DENND2B: variants seen among roughly 807,000 people sequenced by gnomAD.
The protein encoded by DENND2B is DENN domain containing 2B, also known as DENN domain-containing protein 2B.
In DENND2B, 32 loss-of-function variants were observed where a neutral mutation model predicts 116.0. The observed-to-expected ratio is 0.28, with a 90% CI of 0.21 to 0.37. The LOEUF is 0.37. Ranked by LOEUF, DENND2B falls within the 10% of genes least tolerant of loss-of-function variation. The probability of loss-of-function intolerance (pLI) is 1.00; values close to 1 mark genes in which losing one functional copy is unlikely to be tolerated. For synonymous variants in DENND2B, 588 were observed against 583.9 expected, an observed-to-expected ratio of 1.01 and a Z score of -0.10; for missense variants, 1,276 against 1,477.7, an observed-to-expected ratio of 0.86 and a Z score of 2.24.
At chr11:8,810,962 C>T (rs1175401205), upstream of DENND2B, 4 of 236,246 alleles carry the variant, frequency 1.7e-5, no homozygotes, top group Middle Eastern at 1.3e-3. Flanking sequence ...TGGGAACTTG[C>T]TTGAACAGCT....
intron 2 of DENND2B, among the ~76,000 whole-genome samples, chr11:8,738,053 A>G (rs2049417096): frequency 6.6e-6 from 1 of 151,984 alleles, no homozygotes; most frequent in Admixed American, 6.6e-5. Flanking sequence ...CAACCTTGTG[A>G]CTGTAATTGG....
chr11:8,811,058 C>T (rs186265933), upstream of DENND2B: 502 of 380,580 alleles, frequency 1.3e-3, 7 homozygotes, highest in African/African-American at 9.5e-3. Context: ...AGAATCCCTG[C>T]CAGGGGGGAG....
At chr11:8,887,943 G>A (rs1340169339) in intron 1 of DENND2B, among the ~76,000 whole-genome samples, 1 of 152,106 alleles carries the variant, frequency 6.6e-6, no homozygotes, top group African/African-American at 2.4e-5. Context: ...GTTACTACTG[G>A]GGATGGGGAG....
rs1266836216 is a variant in DENND2B at position 8,717,763 on chromosome 11, T to C, written c.1607A>G (p.Lys536Arg). 5.1e-6 allele frequency: 8 copies of C among 1,583,352 alleles called. No homozygotes were observed. The highest frequency in any genetic ancestry group is 1.1e-5 in the South Asian group (1 of 89,012). The change falls in exon 5 of 20, where the codon AAG becomes AGG. Residue 536 changes from lysine (K) to arginine (R), a missense_variant. This residue lies in a region of DENND2B where 856 missense variants were observed against 846.6 expected (regional missense o/e 1.01). Transcript: ENST00000313726. ...LHRMWSPQDR[K>R]YNSPPTQLSL... is the part of the protein sequence containing the mutation. ...TACCTGTGTGGGCGGGCTGTTGTAC[T>C]TCCTGTCCTGAGGACTCCACATCCT...
In DENND2B at chr11:8,719,219, T is replaced by C. The variant is rs183496406; in HGVS notation, c.1478-1327A>G. On this transcript the variant is annotated intron_variant, in intron 4 of 19. Transcript: ENST00000313726. ...AGAGAGGACACGGGAGAAGAGCCAA[T>C]CCCTATATGCTTGCAGATTCCTCCA... is the stretch of plus-strand genomic sequence containing the variant. 34 of 985,372 alleles carry C rather than the reference T, an allele frequency of 3.5e-5. 1 individual carries two copies. In the South Asian group the frequency reaches 7.1e-4, roughly 20 times the overall value. 61.0% of individuals were successfully genotyped at this position (985,372 alleles called of 1,614,324 possible).
At chr11:8,813,214 G>A (rs1263254596), upstream of DENND2B, among the ~76,000 whole-genome samples, 1 of 152,168 alleles carries the variant, frequency 6.6e-6, no homozygotes, top group African/African-American at 2.4e-5. Context: ...TATACCAGAA[G>A]TTAAGGTAGG....
chr11:8,789,290 A>G (rs909689087), intron 1 of DENND2B, among the ~76,000 whole-genome samples: 1 of 152,254 alleles, frequency 6.6e-6, no homozygotes, highest in Non-Finnish European at 1.5e-5. Context: ...TGGACACAGC[A>G]GTAGTCATCT....
At chr11:8,829,590 G>A (rs2062123807) in intron 4 of DENND2B, among the ~76,000 whole-genome samples, 1 of 152,136 alleles carries the variant, frequency 6.6e-6, no homozygotes, top group Non-Finnish European at 1.5e-5. Flanking sequence ...TGGTCTGAAT[G>A]CTTCTGAGTA....
At chr11:8,716,191 C>T (rs777665119) in intron 5 of DENND2B, among the ~76,000 whole-genome samples, 1 of 152,290 alleles carries the variant, frequency 6.6e-6, no homozygotes, top group East Asian at 1.9e-4. Context: ...CCTCTGCTCC[C>T]GAGCCAATCC....
Position 8,715,898 on chromosome 11 carries a change from A to G in DENND2B, c.1630-80T>C, listed in dbSNP as rs527683406. On this transcript the variant is annotated intron_variant, in intron 5 of 19. Coordinates refer to ENST00000313726, the MANE Select transcript of DENND2B (RefSeq NM_213618.2). ...TGTCTGTCTGCTGGGATGGGGACACAGAGGCCAAGGGCCGGCATCCCTGGA... is the reference window on the plus strand; with the variant it reads ...TGTCTGTCTGCTGGGATGGGGACACGGAGGCCAAGGGCCGGCATCCCTGGA... The G allele has an allele frequency of 2.3e-4, 318 of 1,369,642 alleles. 1 individual carries two copies. The African/African-American group carries it at 4.0e-3, about 17-fold the overall frequency. 84.8% of individuals were successfully genotyped at this position (1,369,642 alleles called of 1,614,324 possible). A position where few individuals can be genotyped will look rare whatever the true frequency, so the allele number is the denominator to read the frequency against.
intron 4 of DENND2B, among the ~76,000 whole-genome samples, chr11:8,837,522 AT>A (rs2062475728): frequency 6.6e-6 from 1 of 151,910 alleles, no homozygotes; most frequent in Non-Finnish European, 1.5e-5. Context: ...TAATTTTTGT[AT>A]TTTTAGTAGA....
chr11:8,771,365 C>T (rs554957218), intron 1 of DENND2B, among the ~76,000 whole-genome samples: 1 of 152,128 alleles, frequency 6.6e-6, no homozygotes, highest in East Asian at 1.9e-4. Flanking sequence ...TATACAATCT[C>T]ACACTACCAG....
intron 1 of DENND2B, among the ~76,000 whole-genome samples, chr11:8,804,615 GCT>G (rs2060671554): frequency 1.4e-5 from 2 of 141,686 alleles, no homozygotes; most frequent in African/African-American, 5.3e-5. Context: ...TGCGATCTCA[GCT>G]CACTGCAACC....
At chr11:8,708,405 G>A in intron 11 of DENND2B, 1 of 885,062 alleles carries the variant, frequency 1.1e-6, no homozygotes, top group Non-Finnish European at 1.4e-6. Flanking sequence ...CTGACTCCTG[G>A]GCTTGGGACT....
chr11:8,804,369 TGGG>T (rs34970475), intron 1 of DENND2B, among the ~76,000 whole-genome samples: 50,329 of 151,638 alleles, frequency 0.33, 8,737 homozygotes, highest in Middle Eastern at 0.51. Context: ...CCATAAGACA[TGGG>T]GAGCTGTCTG....
At chr11:8,739,187 C>G (rs1472963912) in intron 2 of DENND2B, among the ~76,000 whole-genome samples, 1 of 152,210 alleles carries the variant, frequency 6.6e-6, no homozygotes, top group Admixed American at 6.5e-5. Context: ...TGCAGACTTC[C>G]TCGCCTTTCT....
At chr11:8,781,944 A>G (rs7938235) in intron 1 of DENND2B, among the ~76,000 whole-genome samples, 6,121 of 152,286 alleles carry the variant, frequency 0.04, 410 homozygotes, top group African/African-American at 0.14. Flanking sequence ...GTTAGCAAAA[A>G]TAAGGGGAAA....
intron 13 of DENND2B, chr11:8,703,555 C>T (rs893991099): frequency 1.3e-5 from 2 of 152,538 alleles, no homozygotes; most frequent in African/African-American, 2.4e-5. Flanking sequence ...TCTGCCTGGC[C>T]TCCTCCTTGG....
chr11:8,758,352 C>T lies in DENND2B; in HGVS notation c.-25-7627G>A, dbSNP rs571557094. Among the ~76,000 whole-genome samples, 8 of 152,252 alleles carry T rather than the reference C, an allele frequency of 5.3e-5. No homozygotes were observed. In the South Asian group the frequency reaches 6.2e-4, roughly 12 times the overall value. On this transcript the variant is annotated intron_variant, in intron 1 of 19. Coordinates refer to ENST00000313726, the MANE Select transcript of DENND2B (RefSeq NM_213618.2). ...CAACCACAAAGGAACGCACACACCA[C>T]GGGATCCAGTGAAAGCATTACCAAT... is the stretch of plus-strand genomic sequence containing the variant.
Sources: gnomAD v4.1 joint callset for allele counts (sites outside exome capture counted in the v4.1 genomes callset) on GRCh38, gnomAD v4.1.1 for gene constraint, gnomAD v4.1.1 regional missense constraint, MANE v1.5 for transcripts, NCBI Gene and HGNC (gene_info 2026-07-23, HGNC 2026-07-21) for gene names.